The following ANKRD45 variants were observed in gnomAD, a reference collection of about 807,000 sequenced individuals.
The protein encoded by ANKRD45 is ankyrin repeat domain 45.
Under a neutral mutation model 28.1 loss-of-function variants are expected in ANKRD45, and 21 were observed. The ratio of observed to expected loss-of-function variants is 0.75; its 90% CI spans 0.53 to 1.08. The LOEUF (loss-of-function observed/expected upper bound fraction) is 1.08. Among genes scored for constraint, ANKRD45 ranks in the 50% least tolerant of loss-of-function variants. ANKRD45 has a pLI of 0.00. For missense variants in ANKRD45, 261 were observed against 308.7 expected (o/e 0.85, Z 1.16); for synonymous variants, 86 against 103.9 (o/e 0.83, Z 1.05).
chr1:173,670,844 A>T (rs1670225674), upstream of ANKRD45, among the ~76,000 whole-genome samples: 1 of 152,238 alleles, frequency 6.6e-6, no homozygotes, highest in Non-Finnish European at 1.5e-5. Flanking sequence ...GAGTTAGGTG[A>T]TGTGAGAAAC....
intron 2 of ANKRD45, among the ~76,000 whole-genome samples, chr1:173,654,279 TA>T (rs1229111138): frequency 1.3e-5 from 2 of 152,176 alleles, no homozygotes; most frequent in East Asian, 3.8e-4. Context: ...GGAGCTCTTG[TA>T]AGGCAGGCCT....
chr1:173,622,933 G>A (rs1201748833), intron 5 of ANKRD45, among the ~76,000 whole-genome samples: 1 of 151,682 alleles, frequency 6.6e-6, no homozygotes, highest in Non-Finnish European at 1.5e-5. Context: ...AGTCTACAAG[G>A]AACTTATACA....
At chr1:173,669,347 G>A in intron 1 of ANKRD45, 1 of 435,664 alleles carries the variant, frequency 2.3e-6, no homozygotes, top group Non-Finnish European at 4.5e-6. Flanking sequence ...CTGAAGTTGT[G>A]ATAGAGGAGT....
the ANKRD45 span, among the ~76,000 whole-genome samples, chr1:173,684,024 A>T: frequency 6.6e-6 from 1 of 152,126 alleles, no homozygotes; most frequent in Non-Finnish European, 1.5e-5. Flanking sequence ...GGCTAATTTA[A>T]AGAGAATGAT....
At chr1:173,615,800 A>G (rs1667437119) in intron 5 of ANKRD45, among the ~76,000 whole-genome samples, 1 of 152,128 alleles carries the variant, frequency 6.6e-6, no homozygotes. Context: ...ATGTCCATCA[A>G]TTGATAAATA....
intron 5 of ANKRD45, among the ~76,000 whole-genome samples, chr1:173,611,390 A>G (rs1351559946): frequency 6.6e-6 from 1 of 152,170 alleles, no homozygotes; most frequent in Non-Finnish European, 1.5e-5. Context: ...TGTGCTCAAC[A>G]GATCATATGA....
rs752784227 is a variant in ANKRD45, at chr1:173,647,016, A to G, written c.329-3T>C. The G allele has an allele frequency of 5.6e-6, 9 of 1,611,498 alleles. No individual in the cohort carries two copies. In the South Asian group the frequency reaches 9.9e-5, roughly 18 times the overall value. On this transcript the variant is annotated splice_polypyrimidine_tract_variant and splice_region_variant and intron_variant, in intron 2 of 5. Transcript: ENST00000333279. ...AGCACAATGTAAGAGTGTGTACCCT[A>G]ACAAATGGAATGAAGATGGTGAGAT...
intron 3 of ANKRD45, among the ~76,000 whole-genome samples, chr1:173,630,280 G>GTT (rs1437126229): frequency 6.6e-6 from 1 of 152,172 alleles, no homozygotes; most frequent in East Asian, 1.9e-4. Context: ...GTATGACACT[G>GTT]TAATTATGGT....
chr1:173,661,413 T>C (rs1202270641), intron 1 of ANKRD45, among the ~76,000 whole-genome samples: 2 of 152,190 alleles, frequency 1.3e-5, no homozygotes, highest in Non-Finnish European at 2.9e-5. Flanking sequence ...CCAATTTGGT[T>C]AAGTATAGGC....
At chr1:173,681,434 A>G in the ANKRD45 span, among the ~76,000 whole-genome samples, 1 of 152,214 alleles carries the variant, frequency 6.6e-6, no homozygotes, top group Non-Finnish European at 1.5e-5. Flanking sequence ...TTCTTGATAA[A>G]GTATTTTATT....
intron 3 of ANKRD45, among the ~76,000 whole-genome samples, chr1:173,630,797 GT>G (rs1175355544): frequency 7.3e-6 from 1 of 136,914 alleles, no homozygotes; most frequent in Non-Finnish European, 1.5e-5. Flanking sequence ...TCTAACCTGG[GT>G]GACAGAGTAA....
the ANKRD45 span, among the ~76,000 whole-genome samples, chr1:173,712,783 T>C: frequency 6.6e-6 from 1 of 152,218 alleles, no homozygotes; most frequent in Non-Finnish European, 1.5e-5. Flanking sequence ...AATAGAATAC[T>C]ATAAAGCAGT....
chr1:173,698,091 A>G, the ANKRD45 span, among the ~76,000 whole-genome samples: 1 of 152,340 alleles, frequency 6.6e-6, no homozygotes, highest in Admixed American at 6.5e-5. Context: ...TGGTAAAGGG[A>G]TCAATTCAAC....
the ANKRD45 span, among the ~76,000 whole-genome samples, chr1:173,709,626 G>T: frequency 6.6e-6 from 1 of 151,810 alleles, no homozygotes; most frequent in African/African-American, 2.4e-5. Flanking sequence ...CACCCTACTA[G>T]ATGTTTTCTT....
chr1:173,630,792 C>T (rs772492593), intron 3 of ANKRD45, among the ~76,000 whole-genome samples: 116 of 119,966 alleles, frequency 9.7e-4, no homozygotes, highest in Admixed American at 1.9e-3. Context: ...TGCACTCTAA[C>T]CTGGGTGACA....
the ANKRD45 span, among the ~76,000 whole-genome samples, chr1:173,688,118 G>A: frequency 7.2e-5 from 11 of 151,888 alleles, no homozygotes; most frequent in African/African-American, 1.7e-4. Flanking sequence ...GGAAGGGTAC[G>A]GGTTGTCAGT....
chr1:173,676,556 T>C, the ANKRD45 span, among the ~76,000 whole-genome samples: 20 of 152,026 alleles, frequency 1.3e-4, no homozygotes, highest in South Asian at 2.1e-4. Flanking sequence ...AATGTTACAA[T>C]CTCCAAAGTA....
chr1:173,690,558 AG>A, the ANKRD45 span, among the ~76,000 whole-genome samples: 1 of 152,178 alleles, frequency 6.6e-6, no homozygotes, highest in East Asian at 1.9e-4. Context: ...TTAACATATC[AG>A]ATTAGAAACT....
intron 5 of ANKRD45, among the ~76,000 whole-genome samples, chr1:173,616,953 G>T (rs991130222): frequency 6.6e-6 from 1 of 152,098 alleles, no homozygotes; most frequent in African/African-American, 2.4e-5. Context: ...CCCAGCCAAG[G>T]GAAGCAGTGA....
Sources: allele counts gnomAD v4.1 joint callset (sites outside exome capture counted in the v4.1 genomes callset), GRCh38; gene constraint gnomAD v4.1.1; transcripts MANE v1.5; gene names NCBI Gene and HGNC (gene_info 2026-07-23, HGNC 2026-07-21).